SHPRH: variants seen among roughly 807,000 people sequenced by gnomAD.
The protein encoded by SHPRH is E3 ubiquitin-protein ligase SHPRH.
A neutral mutation model predicts 202.5 loss-of-function variants in SHPRH; 106 were observed. The observed-to-expected ratio is 0.52, with a 90% confidence interval of 0.45 to 0.62. The LOEUF is 0.62. SHPRH is among the 20% of genes least tolerant of loss of function. SHPRH has a pLI of 0.00. For synonymous variants in SHPRH, 729 were observed against 686.0 expected (o/e 1.06, Z -0.98); for missense variants, 1,710 against 2,020.0 (o/e 0.85, Z 2.94).
chr6:145,886,661 C>T lies in SHPRH; in HGVS notation c.*30G>A, dbSNP rs558900257. On this transcript the variant is annotated 3_prime_UTR_variant, in exon 30 of 30. Transcript: ENST00000275233. ...ACAGCTATGAAAGTTTATTAATACA[C>T]TAAAGTCCATGGAATGAATCAAGTG... 3.8e-5 allele frequency: 61 copies of T among 1,606,902 alleles called. No homozygotes were observed. The highest frequency in any genetic ancestry group is 1.7e-4 in the Middle Eastern group (1 of 5,998).
chr6:145,947,757 G>T, intron 5 of SHPRH, 114 bp from the exon 6 acceptor site: 1 of 1,295,238 alleles, frequency 7.7e-7, no homozygotes, highest in Non-Finnish European at 1.0e-6. Flanking sequence ...TAAGTTTATT[G>T]AAACTATATT....
chr6:145,904,739 T>C (rs772061228), intron 25 of SHPRH: 4 of 152,112 alleles, frequency 2.6e-5, no homozygotes, highest in African/African-American at 7.2e-5. Context: ...AATAGTCTTA[T>C]GTTTAAGAAA....
intron 25 of SHPRH, among the ~76,000 whole-genome samples, chr6:145,899,284 T>A (rs1332620580): frequency 2.6e-5 from 4 of 152,046 alleles, no homozygotes; most frequent in Admixed American, 6.6e-5. Context: ...ACTCCCTGAT[T>A]CTAAAACACA....
intron 16 of SHPRH, 59 bp from the exon 17 acceptor site, chr6:145,924,905 A>C (rs1784729438): frequency 7.2e-7 from 1 of 1,380,906 alleles, no homozygotes; most frequent in East Asian, 2.3e-5. Context: ...ATTCAGTATG[A>C]TGTTTCAAGA....
At position 145,964,071 on chromosome 6, in the gene SHPRH, C is replaced by G. The variant is rs1789404266; in HGVS notation, c.-373G>C. 1 of 152,344 alleles carries G rather than the reference C, an allele frequency of 6.6e-6. No homozygotes were observed. The highest frequency in any genetic ancestry group is 1.5e-5 in the Non-Finnish European group (1 of 68,186). The allele number at this position is 152,344 out of a possible 1,614,324, so 9.4% of individuals were successfully genotyped here. Reference sequence around the variant, plus strand: ...CGGGCTCCAGGACAACCAGCGTCCTCCCTCCCTGGTCCCGGAGGCCAAAGA... The same window carrying G: ...CGGGCTCCAGGACAACCAGCGTCCTGCCTCCCTGGTCCCGGAGGCCAAAGA... On this transcript the variant is annotated 5_prime_UTR_variant, in exon 1 of 30. Transcript: ENST00000275233.
At chr6:145,940,100 G>C (rs147215067) in intron 11 of SHPRH, among the ~76,000 whole-genome samples, 280 of 152,198 alleles carry the variant, frequency 1.8e-3, no homozygotes, top group African/African-American at 6.1e-3. Flanking sequence ...CTGTGATATT[G>C]AATAAGATTA....
At chr6:145,949,595 A>C (rs1227858914) in intron 4 of SHPRH, among the ~76,000 whole-genome samples, 1 of 152,074 alleles carries the variant, frequency 6.6e-6, no homozygotes, top group African/African-American at 2.4e-5. Flanking sequence ...AAGGGAAGTG[A>C]GGGATGAAAA....
At chr6:145,963,458 T>C (rs957668123) in intron 1 of SHPRH, among the ~76,000 whole-genome samples, 2 of 152,188 alleles carry the variant, frequency 1.3e-5, no homozygotes, top group Non-Finnish European at 2.9e-5. Flanking sequence ...TTCCTGGTCA[T>C]TATTTAACTG....
intron 3 of SHPRH, chr6:145,952,066 C>T (rs1453561223): frequency 5.1e-6 from 2 of 389,140 alleles, no homozygotes; most frequent in Non-Finnish European, 9.9e-6. Context: ...AGGAATAATG[C>T]AAAAATCCCA....
At chr6:145,948,423 T>C (rs943813786) in intron 4 of SHPRH, 73 bp from the exon 5 acceptor site, 32 of 1,203,382 alleles carry the variant, frequency 2.7e-5, no homozygotes, top group Middle Eastern at 2.2e-4. Context: ...AAAAAAAGAA[T>C]AGGTTAACAG....
downstream of SHPRH, among the ~76,000 whole-genome samples, chr6:145,860,008 C>T (rs1207781987): frequency 1.3e-5 from 2 of 151,980 alleles, no homozygotes; most frequent in Admixed American, 1.3e-4. Flanking sequence ...ATTGCCTATA[C>T]TGCTAACATC....
intron 17 of SHPRH, 56 bp from the exon 18 acceptor site, chr6:145,923,841 C>A: frequency 6.4e-7 from 1 of 1,559,792 alleles, no homozygotes; most frequent in Non-Finnish European, 8.7e-7. Flanking sequence ...ACTCACTAAG[C>A]TTCCATCACT....
chr6:145,920,632 C>G (rs529350031), intron 21 of SHPRH, among the ~76,000 whole-genome samples: 15 of 152,054 alleles, frequency 9.9e-5, no homozygotes, highest in Non-Finnish European at 1.5e-4. Flanking sequence ...CAATGGATAA[C>G]TAATCCAAAT....
At chr6:145,922,916 C>A in intron 18 of SHPRH, 80 bp from the exon 19 acceptor site, 4 of 1,401,968 alleles carry the variant, frequency 2.9e-6, no homozygotes, top group Non-Finnish European at 3.8e-6. Context: ...GAATGGTTGC[C>A]AAACAAAGTG....
chr6:145,929,485 A>G (rs1444970520), intron 14 of SHPRH, among the ~76,000 whole-genome samples: 70 of 152,046 alleles, frequency 4.6e-4, no homozygotes, highest in Admixed American at 4.5e-3. Flanking sequence ...TCACTGTCTG[A>G]TCTTCACATT....
chr6:145,957,801 T>A (rs779570044), intron 1 of SHPRH, among the ~76,000 whole-genome samples: 1 of 152,166 alleles, frequency 6.6e-6, no homozygotes, highest in Non-Finnish European at 1.5e-5. Flanking sequence ...TAACTTACTA[T>A]GCAGCCTAGT....
chr6:145,942,308 A>T (rs1786874840), intron 9 of SHPRH, among the ~76,000 whole-genome samples: 1 of 152,226 alleles, frequency 6.6e-6, no homozygotes, highest in Admixed American at 6.5e-5. Flanking sequence ...TATGTTTCAG[A>T]TACTGTGCTA....
intron 21 of SHPRH, among the ~76,000 whole-genome samples, chr6:145,920,339 A>G (rs1784337056): frequency 6.6e-6 from 1 of 152,096 alleles, no homozygotes. Context: ...CATCATAAGT[A>G]ACACTTCTTC....
At chr6:145,955,466 C>A in intron 1 of SHPRH, 112 bp from the exon 2 acceptor site, 1 of 1,063,426 alleles carries the variant, frequency 9.4e-7, no homozygotes. Flanking sequence ...AATATGAAAT[C>A]TTCTGTGAGA....
Sources: allele counts gnomAD v4.1 joint callset (sites outside exome capture counted in the v4.1 genomes callset), GRCh38; gene constraint gnomAD v4.1.1; transcripts MANE v1.5; gene names NCBI Gene and HGNC (gene_info 2026-07-23, HGNC 2026-07-21).